The following QSOX2 variants were observed in gnomAD, a reference collection of about 807,000 sequenced individuals.
QSOX2 encodes the protein sulfhydryl oxidase 2.
A neutral mutation model predicts 61.7 loss-of-function variants in QSOX2; 46 were observed. The observed-to-expected ratio is 0.75, with a 90% CI of 0.59 to 0.95. QSOX2 has a LOEUF of 0.95. QSOX2 is among the 40% of genes least tolerant of loss of function. The pLI is 0.00. For synonymous variants in QSOX2, 383 were observed against 388.4 expected, an observed-to-expected ratio of 0.99 and a Z score of 0.16; for missense variants, 879 against 918.9, an observed-to-expected ratio of 0.96 and a Z score of 0.56.
intron 10 of QSOX2, among the ~76,000 whole-genome samples, chr9:136,214,753 G>C (rs918751881): frequency 6.6e-6 from 1 of 152,224 alleles, no homozygotes; most frequent in Non-Finnish European, 1.5e-5. Context: ...CGTGGTTCCC[G>C]TGGTTCTGGC....
rs1346250383 is a variant in QSOX2 at position 136,207,314 on chromosome 9, A to G, written c.*1414T>C. The G allele has an allele frequency of 6.6e-6, 1 of 152,152 alleles. No homozygotes were observed. The highest frequency in any genetic ancestry group is 1.5e-5 in the Non-Finnish European group (1 of 68,036). The allele number at this position is 152,152 out of a possible 1,614,324, so 9.4% of individuals were successfully genotyped here. On this transcript the variant is annotated 3_prime_UTR_variant, in exon 12 of 12. Coordinates refer to ENST00000358701, the MANE Select transcript of QSOX2 (RefSeq NM_181701.4). ...AACACATGATTATACAACATAAAGT[A>G]GGCAAAGCGGAAAAAATATCTACAA...
At chr9:136,236,299 G>A (rs770044237) in intron 1 of QSOX2, among the ~76,000 whole-genome samples, 24 of 152,254 alleles carry the variant, frequency 1.6e-4, no homozygotes, top group Non-Finnish European at 2.5e-4. Flanking sequence ...CCCCTGGGGA[G>A]ACGCACGGTG....
intron 1 of QSOX2, among the ~76,000 whole-genome samples, chr9:136,236,671 G>A (rs1214487631): frequency 6.6e-6 from 1 of 152,224 alleles, no homozygotes; most frequent in Non-Finnish European, 1.5e-5. Flanking sequence ...TCTGAAGCCC[G>A]TCCTGTGCCA....
intron 1 of QSOX2, among the ~76,000 whole-genome samples, chr9:136,230,540 T>C (rs543622342): frequency 1.9e-4 from 29 of 152,150 alleles, no homozygotes; most frequent in Non-Finnish European, 3.7e-4. Context: ...CAAAAACACA[T>C]GAGCCTCAGT....
chr9:136,209,426 A>C lies in QSOX2; in HGVS notation c.1550-151T>G. 6.7e-7 allele frequency: 1 copy of C among 1,482,046 alleles called. No homozygotes were observed. The highest frequency in any genetic ancestry group is 8.9e-7 in the Non-Finnish European group (1 of 1,121,410). The allele number at this position is 1,482,046 out of a possible 1,614,324, so 91.8% of individuals were successfully genotyped here. A position where few individuals can be genotyped will look rare whatever the true frequency, so the allele number is the denominator to read the frequency against. On this transcript the variant is annotated intron_variant, in intron 11 of 11. Transcript: ENST00000358701. The surrounding 1 kb of genome is among the most constrained non-coding windows in gnomAD (Gnocchi z 5.6). The stretch of plus-strand genomic sequence containing the variant: ...CCAGGCCTCCCTCCCTGCCCTTCCC[A>C]CCACCCGTCCCTTGCAGTTCGGCCC...
intron 1 of QSOX2, among the ~76,000 whole-genome samples, chr9:136,227,902 C>T (rs1159130619): frequency 6.6e-6 from 1 of 152,156 alleles, no homozygotes; most frequent in African/African-American, 2.4e-5. Context: ...CCGCTTGAGC[C>T]CGGAAGGCAC....
chr9:136,229,148 C>T (rs530727217), intron 1 of QSOX2, among the ~76,000 whole-genome samples: 11 of 152,368 alleles, frequency 7.2e-5, no homozygotes, highest in African/African-American at 2.6e-4. Context: ...CCCGCTTACG[C>T]TGGCTAAGTG....
rs7858393 is a variant in QSOX2 at position 136,235,649 on chromosome 9, T to G, written c.329-8775A>C. 1.7e-3 allele frequency among the ~76,000 whole-genome samples: 254 copies of G among 152,308 alleles called. 1 individual carries two copies. Among genetic ancestry groups the G allele is most frequent in the African/African-American group, 5.4e-3 (225 of 41,564 alleles). On this transcript the variant is annotated intron_variant, in intron 1 of 11. Transcript: ENST00000358701. Reference sequence around the variant, plus strand: ...TGAAGGAAGACGGTGGCCAGTGAGCTGGGTGGCCAGCAAGCATAGAGCGCT... The same window carrying G: ...TGAAGGAAGACGGTGGCCAGTGAGCGGGGTGGCCAGCAAGCATAGAGCGCT...
rs760643765 is a variant in QSOX2 at position 136,221,919 on chromosome 9, T to C, written c.698A>G (p.Tyr233Cys). The C allele has an allele frequency of 3.0e-5, 49 of 1,608,328 alleles. No individual in the cohort carries two copies. The highest frequency in any genetic ancestry group is 4.0e-5 in the African/African-American group (3 of 74,748). Residue 233 changes from tyrosine (Y) to cysteine (C), a missense_variant, in exon 6 of 12, where the codon TAT (tyrosine) becomes TGT (cysteine). Coordinates refer to ENST00000358701, the MANE Select transcript of QSOX2 (RefSeq NM_181701.4). The surrounding 1 kb of genome is among the most constrained non-coding windows in gnomAD (Gnocchi z 4.5). ...GREVILDLIP[Y>C]ESIVVTRALD... ...TGCTCGGGTCACCACGATGCTTTCATACGGGATCAGGTCTAAGATCACCTG... is the reference window on the plus strand; with the variant it reads ...TGCTCGGGTCACCACGATGCTTTCACACGGGATCAGGTCTAAGATCACCTG...
At position 136,221,059 on chromosome 9, in the gene QSOX2, C is replaced by T. The variant is rs1286103161; in HGVS notation, c.821+737G>A. ...GGCACACAGGCACTCCACGCAGAGG[C>T]AAAGGGCTTATCCTCATGAGGGGCA... is the stretch of plus-strand genomic sequence containing the variant. On this transcript the variant is annotated intron_variant, in intron 6 of 11. Transcript: ENST00000358701. This position sits in a 1 kb window ranked among gnomAD's most constrained non-coding sequence, Gnocchi z 4.5. Among the ~76,000 whole-genome samples the T allele has an allele frequency of 1.3e-5, 2 of 152,034 alleles. No individual in the cohort carries two copies. Among genetic ancestry groups the T allele is most frequent in the African/African-American group, 4.8e-5 (2 of 41,362 alleles).
intron 2 of QSOX2, among the ~76,000 whole-genome samples, chr9:136,225,392 T>C (rs1830269799): frequency 6.6e-6 from 1 of 152,150 alleles, no homozygotes; most frequent in Non-Finnish European, 1.5e-5. Flanking sequence ...CGAGACAAGG[T>C]TACATGATGG....
At chr9:136,243,863 G>C (rs1424384955) in intron 1 of QSOX2, among the ~76,000 whole-genome samples, 1 of 152,222 alleles carries the variant, frequency 6.6e-6, no homozygotes, top group African/African-American at 2.4e-5. Context: ...TGGGAAGACA[G>C]TCAGCCTCAC....
chr9:136,226,183 C>A (rs1485618456), intron 2 of QSOX2, among the ~76,000 whole-genome samples: 1 of 152,230 alleles, frequency 6.6e-6, no homozygotes, highest in Non-Finnish European at 1.5e-5. Flanking sequence ...CCAAGGCGCC[C>A]ACGTTTCTGG....
intron 1 of QSOX2, among the ~76,000 whole-genome samples, chr9:136,232,068 C>T (rs28375101): frequency 0.023 from 3,569 of 152,302 alleles, 122 homozygotes; most frequent in African/African-American, 0.076. Flanking sequence ...GTGTCACTGA[C>T]AGGCTCCTGG....
At chr9:136,211,243 C>A in intron 11 of QSOX2, 21 bp downstream of exon 11, 1 of 1,611,472 alleles carries the variant, frequency 6.2e-7, no homozygotes, top group Non-Finnish European at 8.5e-7. Context: ...GCTGAGCCCC[C>A]CATGCCCAGG....
rs1831819155 is a variant in QSOX2 at position 136,209,394 on chromosome 9, G to A, written c.1550-119C>T. The A allele has an allele frequency of 6.6e-7, 1 of 1,511,396 alleles. No individual in the cohort carries two copies. Among genetic ancestry groups the A allele is most frequent in the African/African-American group, 1.4e-5 (1 of 71,706 alleles). 93.6% of individuals were successfully genotyped at this position (1,511,396 alleles called of 1,614,324 possible). On this transcript the variant is annotated intron_variant, in intron 11 of 11. Coordinates refer to ENST00000358701, the MANE Select transcript of QSOX2 (RefSeq NM_181701.4). This position sits in a 1 kb window ranked among gnomAD's most constrained non-coding sequence, Gnocchi z 5.6. The stretch of plus-strand genomic sequence containing the variant: ...ACGGGCCTCCACTGCCCTGGCCCAG[G>A]GTCCTGCCAGGCCTCCCTCCCTGCC...
At chr9:136,245,369 A>G in intron 1 of QSOX2, 107 bp downstream of exon 1, 1 of 924,358 alleles carries the variant, frequency 1.1e-6, no homozygotes, top group Non-Finnish European at 1.6e-6. Context: ...TAAGGAAAGA[A>G]ATACGGGGGA....
rs1363015928 is a variant in QSOX2 at position 136,215,269 on chromosome 9, C to A, written c.1245G>T (p.Trp415Cys). 5 of 1,613,896 alleles carry A rather than the reference C, an allele frequency of 3.1e-6. No homozygotes were observed. Among genetic ancestry groups the A allele is most frequent in the Admixed American group, 1.7e-5 (1 of 60,008 alleles). ...CAGATCGGCTTCCTTGACATCCAAC[C>A]CACTTTATGTGATTAGTAAGGAATA... ...SGIFLTNHIK[W>C]VGCQGSRSEL... is the part of the protein sequence containing the mutation. The change falls in exon 10 of 12, where the codon TGG becomes TGT. Residue 415 changes from tryptophan to cysteine, a missense_variant. By Grantham distance (215) the Trp-to-Cys change is radical (BLOSUM62 -2). Transcript: ENST00000358701.
At chr9:136,240,260 G>A (rs553647619) in intron 1 of QSOX2, among the ~76,000 whole-genome samples, 1 of 152,334 alleles carries the variant, frequency 6.6e-6, no homozygotes, top group African/African-American at 2.4e-5. Context: ...ATATATAGTA[G>A]ATTAACATTT....
Sources: gnomAD v4.1 joint callset for allele counts (sites outside exome capture counted in the v4.1 genomes callset) on GRCh38, gnomAD v4.1.1 for gene constraint, Gnocchi (gnomAD v3.1) non-coding constraint, MANE v1.5 for transcripts, NCBI Gene and HGNC (gene_info 2026-07-23, HGNC 2026-07-21) for gene names.